Variants in ARHGAP22 observed in about 807,000 individuals in gnomAD.
ARHGAP22 encodes Rho GTPase activating protein 22, also known as rho GTPase-activating protein 22.
A neutral mutation model predicts 59.1 loss-of-function variants in ARHGAP22; 48 were observed. That is an observed-to-expected ratio of 0.81 (90% CI 0.64 to 1.03). The LOEUF (loss-of-function observed/expected upper bound fraction) is 1.03, where lower values mean the gene tolerates loss of function less well. Among genes scored for constraint, ARHGAP22 ranks in the 50% least tolerant of loss-of-function variants. The probability of loss-of-function intolerance (pLI) is 0.00; values close to 1 mark genes in which losing one functional copy is unlikely to be tolerated. For missense variants in ARHGAP22, 1,015 were observed against 958.7 expected, an observed-to-expected ratio of 1.06 and a Z score of -0.78; for synonymous variants, 445 against 416.4, an observed-to-expected ratio of 1.07 and a Z score of -0.84.
At chr10:48,652,559 A>C (rs1589343273) in exon 1 of ARHGAP22, 1 of 495,494 alleles carries the variant, frequency 2.0e-6, no homozygotes, top group East Asian at 3.2e-5. Flanking sequence ...CAGTTCCTCA[A>C]ATCTGTAAAA....
chr10:48,469,139 G>C (rs3906889), intron 4 of ARHGAP22, among the ~76,000 whole-genome samples: 27,840 of 152,206 alleles, frequency 0.18, 2,986 homozygotes, highest in African/African-American at 0.3. Context: ...TGTGTCTTCA[G>C]AGTCAGACTG....
intron 3 of ARHGAP22, among the ~76,000 whole-genome samples, chr10:48,529,740 T>C (rs1381987379): frequency 6.6e-6 from 1 of 152,204 alleles, no homozygotes; most frequent in African/African-American, 2.4e-5. Flanking sequence ...AGCATGGTAC[T>C]GGTATAAAAA....
At chr10:48,586,195 T>A (rs1464843105) in intron 1 of ARHGAP22, among the ~76,000 whole-genome samples, 1 of 152,154 alleles carries the variant, frequency 6.6e-6, no homozygotes, top group Non-Finnish European at 1.5e-5. Flanking sequence ...CTCCTTAATG[T>A]GAGTTATTTA....
intron 1 of ARHGAP22, among the ~76,000 whole-genome samples, chr10:48,639,152 T>C (rs1790103110): frequency 6.6e-6 from 1 of 152,180 alleles, no homozygotes; most frequent in South Asian, 2.1e-4. Flanking sequence ...GGGTGGGGCA[T>C]TGTCATGGGG....
At chr10:48,569,531 A>G (rs1225023541) in intron 2 of ARHGAP22, among the ~76,000 whole-genome samples, 9 of 152,180 alleles carry the variant, frequency 5.9e-5, no homozygotes, top group Admixed American at 5.2e-4. Context: ...ATGTTACTTG[A>G]TTCATTTTTC....
chr10:48,446,728 T>C (rs2045391190), intron 9 of ARHGAP22, 109 bp from the exon 10 acceptor site: 1 of 1,112,074 alleles, frequency 9.0e-7, no homozygotes. Flanking sequence ...GGCCAAGCCA[T>C]GGCGGCAGGA....
At chr10:48,648,811 C>T (rs1218410711) in intron 1 of ARHGAP22, among the ~76,000 whole-genome samples, 4 of 152,070 alleles carry the variant, frequency 2.6e-5, no homozygotes, top group East Asian at 1.9e-4. Context: ...GCAGATCCTA[C>T]GATGGGCAAG....
intron 3 of ARHGAP22, among the ~76,000 whole-genome samples, chr10:48,486,452 C>T (rs531836589): frequency 3.2e-4 from 49 of 151,968 alleles, no homozygotes; most frequent in African/African-American, 8.4e-4. Context: ...GCAATTCTCC[C>T]GTCTCAGCCT....
chr10:48,500,532 TGAG>T (rs2051402445), intron 3 of ARHGAP22, among the ~76,000 whole-genome samples: 1 of 151,932 alleles, frequency 6.6e-6, no homozygotes, highest in African/African-American at 2.4e-5. Context: ...GAGAGCCACA[TGAG>T]GAAAAATCAA....
At chr10:48,581,967 A>G (rs1054138667) in intron 2 of ARHGAP22, among the ~76,000 whole-genome samples, 1 of 152,210 alleles carries the variant, frequency 6.6e-6, no homozygotes, top group Non-Finnish European at 1.5e-5. Context: ...AGGAGGATCC[A>G]AGTGTTTGAG....
At chr10:48,585,096 A>G (rs1247391279) in intron 1 of ARHGAP22, among the ~76,000 whole-genome samples, 1 of 152,142 alleles carries the variant, frequency 6.6e-6, no homozygotes, top group African/African-American at 2.4e-5. Context: ...AAGCTGAGGC[A>G]GGGCTTGGAA....
chr10:48,588,829 C>T (rs1292033337), intron 1 of ARHGAP22, among the ~76,000 whole-genome samples: 1 of 152,186 alleles, frequency 6.6e-6, no homozygotes, highest in Non-Finnish European at 1.5e-5. Context: ...GTGGGGCAGG[C>T]AAAGGCTGTG....
chr10:48,433,284 G>A, the ARHGAP22 span, among the ~76,000 whole-genome samples: 1 of 152,020 alleles, frequency 6.6e-6, no homozygotes, highest in African/African-American at 2.4e-5. Flanking sequence ...AAGACATTTG[G>A]GTAAAATAAT....
In ARHGAP22 at chr10:48,563,302, G is replaced by T. The variant is rs1038403287; in HGVS notation, c.235-7752C>A. Among the ~76,000 whole-genome samples the T allele has an allele frequency of 1.2e-4, 17 of 145,086 alleles. No homozygotes were observed. The South Asian group carries it at 2.5e-3, about 21-fold the overall frequency. Reference sequence around the variant, plus strand: ...TCCGCCTCCTGGGTTCATGCCATTCGCCTGCCTCAGCCTCCCCAGTAGCTG... The same window carrying T: ...TCCGCCTCCTGGGTTCATGCCATTCTCCTGCCTCAGCCTCCCCAGTAGCTG... On this transcript the variant is annotated intron_variant, in intron 2 of 9. Transcript: ENST00000249601.
At chr10:48,548,059 G>A (rs569724790) in intron 3 of ARHGAP22, among the ~76,000 whole-genome samples, 3 of 152,308 alleles carry the variant, frequency 2.0e-5, no homozygotes, top group Admixed American at 6.5e-5. Flanking sequence ...GTGTAGTCAG[G>A]GGTAGGCATG....
intron 2 of ARHGAP22, among the ~76,000 whole-genome samples, chr10:48,569,745 A>C (rs2058281099): frequency 6.6e-6 from 1 of 152,224 alleles, no homozygotes; most frequent in Non-Finnish European, 1.5e-5. Flanking sequence ...AGAAACACAA[A>C]AGTCATTTTT....
chr10:48,635,825 T>C (rs2061794525), intron 1 of ARHGAP22, among the ~76,000 whole-genome samples: 1 of 152,184 alleles, frequency 6.6e-6, no homozygotes, highest in Non-Finnish European at 1.5e-5. Context: ...TTGGACAACA[T>C]AAACTTAGAC....
chr10:48,572,853 T>C (rs1322160642), intron 2 of ARHGAP22, among the ~76,000 whole-genome samples: 4 of 152,190 alleles, frequency 2.6e-5, no homozygotes, highest in African/African-American at 9.7e-5. Context: ...GGAAATGGCA[T>C]GGCATCACTT....
At chr10:48,471,911 A>G (rs764365685) in intron 4 of ARHGAP22, among the ~76,000 whole-genome samples, 9 of 152,166 alleles carry the variant, frequency 5.9e-5, no homozygotes, top group Non-Finnish European at 8.8e-5. Flanking sequence ...TCCTCATTTC[A>G]GAGTAACAGC....
Sources: gnomAD v4.1 joint callset for allele counts (sites outside exome capture counted in the v4.1 genomes callset) on GRCh38, gnomAD v4.1.1 for gene constraint, MANE v1.5 for transcripts, NCBI Gene and HGNC (gene_info 2026-07-23, HGNC 2026-07-21) for gene names.